The following MYO19 variants were observed in gnomAD, a reference collection of about 807,000 sequenced individuals.
MYO19 encodes the protein unconventional myosin-XIX.
In MYO19, 132 loss-of-function variants were observed where a neutral mutation model predicts 129.2. The ratio of observed to expected loss-of-function variants is 1.02; its 90% CI spans 0.89 to 1.18. MYO19 has a LOEUF of 1.18. MYO19 is among the 50% of genes most tolerant of loss of function. MYO19 has a pLI of 0.00. For synonymous variants in MYO19, 531 were observed against 477.2 expected, an observed-to-expected ratio of 1.11 and a Z score of -1.47; for missense variants, 1,210 against 1,216.7, an observed-to-expected ratio of 0.99 and a Z score of 0.08.
rs1295772116 is a variant in MYO19 at position 36,515,120 on chromosome 17, G to C, written c.610C>G (p.Leu204Val). ...GGCAACAGCAGCTATTACCTGTTCA[G>C]CTGGAGCTGGATGAACTTCCCAAAG... ...SRFGKFIQLQ[L>V]NRAQQMTGAA... The change falls in exon 8 of 26, where the codon CTG becomes GTG. Residue 204 changes from leucine (L) to valine (V), a missense_variant. Physicochemically the swap from Leu to Val is conservative, Grantham distance 32. Transcript: ENST00000614623. 10 of 1,608,138 alleles carry C rather than the reference G, an allele frequency of 6.2e-6. No individual in the cohort carries two copies. Among genetic ancestry groups the C allele is most frequent in the Non-Finnish European group, 8.5e-6 (10 of 1,177,250 alleles).
intron 2 of MYO19, among the ~76,000 whole-genome samples, chr17:36,540,657 A>G (rs1425974712): frequency 6.6e-6 from 1 of 152,108 alleles, no homozygotes; most frequent in Non-Finnish European, 1.5e-5. Context: ...GGCATGAGCC[A>G]CCGCACCCAA....
At chr17:36,498,202 C>A in intron 25 of MYO19, 64 bp downstream of exon 25, 1 of 1,546,062 alleles carries the variant, frequency 6.5e-7, no homozygotes, top group Admixed American at 1.7e-5. Flanking sequence ...CCGCTGTGAA[C>A]TTGTAGGCTT....
intron 6 of MYO19, among the ~76,000 whole-genome samples, chr17:36,519,699 A>T (rs2073023373): frequency 9.8e-6 from 1 of 101,614 alleles, no homozygotes; most frequent in African/African-American, 3.7e-5. Flanking sequence ...GTGTAGATCC[A>T]AATATTTATC....
chr17:36,503,991 G>C lies in MYO19; in HGVS notation c.1935C>G (p.Leu645=). The C allele has an allele frequency of 3.8e-6, 6 of 1,586,470 alleles. No individual in the cohort carries two copies. Among genetic ancestry groups the C allele is most frequent in the Non-Finnish European group, 4.3e-6 (5 of 1,168,330 alleles). ...CAGCACTGATATGGATGGTCTCCAC[G>C]AGGCCACAGGCCTCCAGCTGGCTCA... ...EVLSQLEACG[L]VETIHISAAG... is the part of the protein sequence containing the mutation. The change falls in exon 20 of 26, where the codon CTC becomes CTG. Residue 645 remains leucine, a synonymous_variant. Coordinates refer to ENST00000614623, the MANE Select transcript of MYO19 (RefSeq NM_001163735.2).
rs1167339738 is a variant in MYO19, at chr17:36,513,301, G to A, written c.894+128C>T. On this transcript the variant is annotated intron_variant, in intron 11 of 25. Transcript: ENST00000614623. Reference sequence around the variant, plus strand: ...GAACAGAGGTGACTGATTCCTTGGAGGTAGCACAGAAGGGCCCAAAGTCCT... The same window carrying A: ...GAACAGAGGTGACTGATTCCTTGGAAGTAGCACAGAAGGGCCCAAAGTCCT... 13 of 1,560,448 alleles carry A rather than the reference G, an allele frequency of 8.3e-6. No homozygotes were observed. The South Asian group carries it at 1.3e-4, about 16-fold the overall frequency.
intron 2 of MYO19, among the ~76,000 whole-genome samples, chr17:36,541,109 G>A (rs140899705): frequency 0.04 from 6,054 of 151,964 alleles, 376 homozygotes; most frequent in African/African-American, 0.13. Context: ...CACCACACCC[G>A]GCTGATTTTT....
At chr17:36,530,169 G>C (rs1010256400) in intron 3 of MYO19, among the ~76,000 whole-genome samples, 1 of 152,138 alleles carries the variant, frequency 6.6e-6, no homozygotes, top group African/African-American at 2.4e-5. Flanking sequence ...AAAATTAGCT[G>C]GGCATTATGG....
rs780561453 is a variant in MYO19, at chr17:36,509,065, T to A, written c.1228A>T (p.Ile410Leu). The change falls in exon 14 of 26, where the codon ATA (isoleucine) becomes TTA (leucine). Residue 410 changes from isoleucine (I) to leucine (L), a missense_variant. By Grantham distance (5) the Ile-to-Leu change is conservative. Coordinates refer to ENST00000614623, the MANE Select transcript of MYO19 (RefSeq NM_001163735.2). Reference protein sequence around the residue: ...CADTDSWTTFIGLLDVYGFES... With the variant: ...CADTDSWTTFLGLLDVYGFES... Reference sequence around the variant, plus strand: ...CAGCACAGTGAGGCCTTGCTACCTATGAAAGTGGTCCACGAGTCGGTGTCT... The same window carrying A: ...CAGCACAGTGAGGCCTTGCTACCTAAGAAAGTGGTCCACGAGTCGGTGTCT... 6.2e-7 allele frequency: 1 copy of A among 1,613,606 alleles called. No individual in the cohort carries two copies. The highest frequency in any genetic ancestry group is 8.5e-7 in the Non-Finnish European group (1 of 1,179,736).
At chr17:36,535,562 C>T (rs559654176), upstream of MYO19, 2 of 152,388 alleles carry the variant, frequency 1.3e-5, no homozygotes, top group Admixed American at 6.5e-5. Context: ...CCCACGTAGA[C>T]CGTCTGCTGG....
rs1209690845 is a variant in MYO19 at position 36,514,566 on chromosome 17, C to T, written c.618-18G>A. The T allele has an allele frequency of 6.5e-7, 1 of 1,541,082 alleles. No individual in the cohort carries two copies. The highest frequency in any genetic ancestry group is 9.0e-7 in the Non-Finnish European group (1 of 1,114,620). The stretch of plus-strand genomic sequence containing the variant: ...GCTGAGCCCTGGGACACACACAGGC[C>T]AGAGCCCGTTAGTTGCCCATTCATT... On this transcript the variant is annotated intron_variant, in intron 8 of 25. Coordinates refer to ENST00000614623, the MANE Select transcript of MYO19 (RefSeq NM_001163735.2).
intron 11 of MYO19, 32 bp downstream of exon 11, chr17:36,513,397 C>A: frequency 6.2e-7 from 1 of 1,613,964 alleles, no homozygotes; most frequent in Non-Finnish European, 8.5e-7. Flanking sequence ...GTCATCTCTG[C>A]CAAACTTAAG....
In MYO19 at chr17:36,503,082, A is replaced by G. The variant is rs1341805717; in HGVS notation, c.2080+15T>C. On this transcript the variant is annotated intron_variant, in intron 21 of 25. Transcript: ENST00000614623. ...CTGTGGTTGCACAAATGACTAACTCATGGGTCCCACTCACCAGGGAGCCCT... is the reference window on the plus strand; with the variant it reads ...CTGTGGTTGCACAAATGACTAACTCGTGGGTCCCACTCACCAGGGAGCCCT... 1.2e-6 allele frequency: 2 copies of G among 1,605,756 alleles called. No homozygotes were observed. Among genetic ancestry groups the G allele is most frequent in the Non-Finnish European group, 1.7e-6 (2 of 1,172,548 alleles).
intron 13 of MYO19, 50 bp from the exon 14 acceptor site, chr17:36,509,185 AG>A (rs2072141383): frequency 1.3e-6 from 2 of 1,568,776 alleles, no homozygotes; most frequent in African/African-American, 1.3e-5. Flanking sequence ...GCTGAGTCAA[AG>A]GGGTGGTAAA....
chr17:36,535,651 T>G (rs1402475395), upstream of MYO19: 2 of 152,106 alleles, frequency 1.3e-5, no homozygotes, highest in Non-Finnish European at 2.9e-5. Context: ...GAAAAAGACT[T>G]TTTATTTTTA....
At chr17:36,516,784 T>C (rs2072781089) in intron 6 of MYO19, among the ~76,000 whole-genome samples, 1 of 152,266 alleles carries the variant, frequency 6.6e-6, no homozygotes, top group Non-Finnish European at 1.5e-5. Context: ...TCTTTACATA[T>C]TGACCTTGTA....
rs201049482 is a variant in MYO19 at position 36,511,441 on chromosome 17, C to G, written c.909G>C (p.Leu303=). ...CAAACTGGATATTGCCAAGGTGCAGCAGTCCAGCTAGGACCTGGGGGAAAG... is the reference window on the plus strand; with the variant it reads ...CAAACTGGATATTGCCAAGGTGCAGGAGTCCAGCTAGGACCTGGGGGAAAG... ...QNNIFKVLAG[L]LHLGNIQFAA... The change falls in exon 12 of 26, where the codon CTG becomes CTC. Residue 303 remains leucine, a synonymous_variant. Transcript: ENST00000614623. The G allele has an allele frequency of 7.0e-6, 11 of 1,563,564 alleles. No homozygotes were observed. The highest frequency in any genetic ancestry group is 1.9e-5 in the Admixed American group (1 of 52,434).
intron 23 of MYO19, chr17:36,500,593 G>A (rs901148791): frequency 1.4e-5 from 8 of 559,394 alleles, no homozygotes; most frequent in African/African-American, 5.6e-5. Flanking sequence ...CTTAGACAAC[G>A]CTTAGCCTCC....
chr17:36,513,609 C>T lies in MYO19; in HGVS notation c.817+20G>A. The T allele has an allele frequency of 3.7e-6, 6 of 1,613,884 alleles. No homozygotes were observed. The highest frequency in any genetic ancestry group is 5.1e-6 in the Non-Finnish European group (6 of 1,179,806). On this transcript the variant is annotated intron_variant, in intron 10 of 25. Transcript: ENST00000614623. Reference sequence around the variant, plus strand: ...GGTGATGCTGGGTCAGCGCAAGGTGCTGGATGGGGCTCCCCTTACCTTCTA... The same window carrying T: ...GGTGATGCTGGGTCAGCGCAAGGTGTTGGATGGGGCTCCCCTTACCTTCTA...
chr17:36,509,150 G>T lies in MYO19; in HGVS notation c.1158-15C>A. On this transcript the variant is annotated splice_polypyrimidine_tract_variant and intron_variant, in intron 13 of 25. Coordinates refer to ENST00000614623, the MANE Select transcript of MYO19 (RefSeq NM_001163735.2). ...AGTCAAACAACCTGTTGGGGGAAGA[G>T]AGTGGACTCTGGTAAGAGGGTCTGG... 6.2e-7 allele frequency: 1 copy of T among 1,613,012 alleles called. No homozygotes were observed. Among genetic ancestry groups the T allele is most frequent in the Non-Finnish European group, 8.5e-7 (1 of 1,179,274 alleles).
Sources: gnomAD v4.1 joint callset for allele counts (sites outside exome capture counted in the v4.1 genomes callset) on GRCh38, gnomAD v4.1.1 for gene constraint, MANE v1.5 for transcripts, NCBI Gene and HGNC (gene_info 2026-07-23, HGNC 2026-07-21) for gene names.